Variants in DOP1A observed in about 807,000 individuals in gnomAD.
DOP1A encodes the protein protein DOP1A.
Under a neutral mutation model 267.6 loss-of-function variants are expected in DOP1A, and 90 were observed. The observed-to-expected ratio is 0.34, with a 90% CI of 0.28 to 0.40. The LOEUF (loss-of-function observed/expected upper bound fraction) is 0.40, where lower values mean the gene tolerates loss of function less well. DOP1A is among the 10% of genes least tolerant of loss of function. The pLI is 1.00. For missense variants in DOP1A, 2,437 were observed against 2,900.4 expected, an observed-to-expected ratio of 0.84 and a Z score of 3.67; for synonymous variants, 932 against 999.1, an observed-to-expected ratio of 0.93 and a Z score of 1.27.
At chr6:83,163,037 C>A in intron 38 of DOP1A, 118 bp downstream of exon 38, 1 of 1,179,384 alleles carries the variant, frequency 8.5e-7, no homozygotes, top group Non-Finnish European at 1.2e-6. Flanking sequence ...ATTTTGAAAA[C>A]AAGTCCCCAG....
At chr6:83,085,778 T>TTTATGTTATGTTATGTTATGTTATG (rs55657605) in intron 1 of DOP1A, among the ~76,000 whole-genome samples, 7 of 143,064 alleles carry the variant, frequency 4.9e-5, no homozygotes, top group Admixed American at 2.9e-4. Context: ...TTTGCGGTAT[T>TTTATGTTATGTTATGTTATGTTATG]TTATGTTATG....
At chr6:83,120,886 A>C in intron 10 of DOP1A, 95 bp downstream of exon 10, 2 of 942,924 alleles carry the variant, frequency 2.1e-6, no homozygotes, top group South Asian at 6.3e-5. Flanking sequence ...TTATATTTTG[A>C]GGTGGCCTTT....
intron 1 of DOP1A, among the ~76,000 whole-genome samples, chr6:83,095,858 T>A (rs1238810184): frequency 6.6e-6 from 1 of 152,130 alleles, no homozygotes; most frequent in Admixed American, 6.6e-5. Context: ...AAGCTTCAGC[T>A]CCTTGTCACG....
chr6:83,084,093 G>T (rs1223998541), intron 1 of DOP1A, among the ~76,000 whole-genome samples: 1 of 152,076 alleles, frequency 6.6e-6, no homozygotes, highest in South Asian at 2.1e-4. Flanking sequence ...GTTTTTATTC[G>T]TATAGCTTTT....
At chr6:83,098,223 G>T (rs1771868441) in intron 3 of DOP1A, among the ~76,000 whole-genome samples, 1 of 152,184 alleles carries the variant, frequency 6.6e-6, no homozygotes, top group Non-Finnish European at 1.5e-5. Context: ...AAAGAAGTTT[G>T]TCTTAAAATA....
chr6:83,165,775 C>T lies in DOP1A; in HGVS notation c.7093-2087C>T, dbSNP rs901172434. On this transcript the variant is annotated intron_variant, in intron 38 of 38. Coordinates refer to ENST00000349129, the MANE Select transcript of DOP1A (RefSeq NM_015018.4). ...AATTTTCGAAGCGTTGGTTGTGCAA[C>T]GTGCGGCCCAGTGTTGTCGTGAAAA... The T allele has an allele frequency of 4.1e-5, 10 of 243,792 alleles. 1 individual carries two copies. The East Asian group carries it at 6.8e-4, about 17-fold the overall frequency. 15.1% of individuals were successfully genotyped at this position (243,792 alleles called of 1,614,324 possible). A position where few individuals can be genotyped will look rare whatever the true frequency, so the allele number is the denominator to read the frequency against.
intron 6 of DOP1A, among the ~76,000 whole-genome samples, chr6:83,111,143 T>C (rs918680634): frequency 6.6e-6 from 1 of 152,090 alleles, no homozygotes; most frequent in East Asian, 1.9e-4. Flanking sequence ...TTGTGTTCTT[T>C]AAATCCACGT....
chr6:83,114,472 G>GA (rs1465049044), intron 7 of DOP1A, among the ~76,000 whole-genome samples: 1 of 152,108 alleles, frequency 6.6e-6, no homozygotes, highest in Non-Finnish European at 1.5e-5. Context: ...TAAACACTTA[G>GA]AAAACAAAGA....
At chr6:83,148,674 T>A in intron 26 of DOP1A, 85 bp from the exon 27 acceptor site, 1 of 864,994 alleles carries the variant, frequency 1.2e-6, no homozygotes, top group Non-Finnish European at 1.7e-6. Flanking sequence ...TCTATCATTG[T>A]CTATAAAAAT....
chr6:83,120,770 T>C lies in DOP1A; in HGVS notation c.1078T>C (p.Leu360=). The C allele has an allele frequency of 6.4e-7, 1 of 1,574,770 alleles. No homozygotes were observed. The highest frequency in any genetic ancestry group is 1.2e-5 in the South Asian group (1 of 85,210). The part of the protein sequence containing the change: ...DLKPFRILIS[L]LDKPELGPVI... ...AAAGCCTTTTCGCATTTTAATCAGT[T>C]TACTGGACAAACCTGAGCTAGGTAA... is the stretch of plus-strand genomic sequence containing the variant. Residue 360 remains leucine (L), a synonymous_variant, in exon 10 of 39, where the codon TTA becomes CTA. Coordinates refer to ENST00000349129, the MANE Select transcript of DOP1A (RefSeq NM_015018.4).
At chr6:83,130,420 A>G (rs770895633) in intron 17 of DOP1A, 23 bp downstream of exon 17, 4 of 1,592,224 alleles carry the variant, frequency 2.5e-6, no homozygotes, top group Non-Finnish European at 3.4e-6. Flanking sequence ...AAATGCATAT[A>G]TGACTATGAT....
intron 1 of DOP1A, among the ~76,000 whole-genome samples, chr6:83,095,076 G>T (rs991729396): frequency 6.6e-6 from 1 of 152,146 alleles, no homozygotes; most frequent in Non-Finnish European, 1.5e-5. Flanking sequence ...GAGATTACAG[G>T]CATGAGCCAC....
At chr6:83,115,614 C>T (rs1263978263) in intron 7 of DOP1A, among the ~76,000 whole-genome samples, 1 of 152,134 alleles carries the variant, frequency 6.6e-6, no homozygotes, top group Non-Finnish European at 1.5e-5. Context: ...GTCCCAGCTA[C>T]TCGGGAGGCT....
intron 27 of DOP1A, among the ~76,000 whole-genome samples, chr6:83,149,880 C>T (rs1249669991): frequency 6.6e-6 from 1 of 152,122 alleles, no homozygotes; most frequent in Non-Finnish European, 1.5e-5. Flanking sequence ...ATGGTTAACA[C>T]CTACAGAGAG....
chr6:83,093,596 G>T (rs1317809244), intron 1 of DOP1A, among the ~76,000 whole-genome samples: 1 of 152,160 alleles, frequency 6.6e-6, no homozygotes, highest in Non-Finnish European at 1.5e-5. Context: ...TTTTGAGTAT[G>T]CAGTTCACCT....
intron 1 of DOP1A, among the ~76,000 whole-genome samples, chr6:83,087,708 T>C (rs1439616286): frequency 1.3e-5 from 2 of 152,224 alleles, no homozygotes; most frequent in South Asian, 4.1e-4. Flanking sequence ...CAACTGGGAT[T>C]AAATTAATTA....
Position 83,151,583 on chromosome 6 carries a change from G to A in DOP1A, c.5838-10G>A. 1 of 1,582,590 alleles carries A rather than the reference G, an allele frequency of 6.3e-7. No individual in the cohort carries two copies. Among genetic ancestry groups the A allele is most frequent in the Non-Finnish European group, 8.6e-7 (1 of 1,169,186 alleles). On this transcript the variant is annotated splice_polypyrimidine_tract_variant and intron_variant, in intron 27 of 38. Coordinates refer to ENST00000349129, the MANE Select transcript of DOP1A (RefSeq NM_015018.4). ...ATTTCCCGTTTCTGTTTTCTCTTTG[G>A]CCCTTTTAGGGTTCTGAATGAGTTT... is the stretch of plus-strand genomic sequence containing the variant.
chr6:83,163,664 G>A (rs1158698380), intron 38 of DOP1A, among the ~76,000 whole-genome samples: 1 of 152,114 alleles, frequency 6.6e-6, no homozygotes, highest in African/African-American at 2.4e-5. Flanking sequence ...TCACAAAACA[G>A]TTCTTGCCCT....
rs937929472 is a variant in DOP1A at position 83,155,878 on chromosome 6, G to A, written c.6452-73G>A. On this transcript the variant is annotated intron_variant, in intron 33 of 38. Coordinates refer to ENST00000349129, the MANE Select transcript of DOP1A (RefSeq NM_015018.4). Reference sequence around the variant, plus strand: ...AGTTTTGGATGTCATAGAGCATCTAGCTATTTTAAAAAACAACAGAATAAT... The same window carrying A: ...AGTTTTGGATGTCATAGAGCATCTAACTATTTTAAAAAACAACAGAATAAT... The A allele has an allele frequency of 2.0e-6, 3 of 1,527,528 alleles. No homozygotes were observed. The African/African-American group carries it at 4.2e-5, about 21-fold the overall frequency. 94.6% of individuals were successfully genotyped at this position (1,527,528 alleles called of 1,614,324 possible).
Sources: gnomAD v4.1 joint callset for allele counts (sites outside exome capture counted in the v4.1 genomes callset) on GRCh38, gnomAD v4.1.1 for gene constraint, MANE v1.5 for transcripts, NCBI Gene and HGNC (gene_info 2026-07-23, HGNC 2026-07-21) for gene names.